Variants in PNPLA7 observed in about 807,000 individuals in gnomAD.
PNPLA7 encodes patatin like domain 7, lysophospholipase, also known as patatin-like phospholipase domain-containing protein 7.
Under a neutral mutation model 161.7 loss-of-function variants are expected in PNPLA7, and 153 were observed. The observed-to-expected ratio is 0.95, with a 90% confidence interval of 0.83 to 1.08. The LOEUF is 1.08. Ranked by LOEUF, PNPLA7 falls within the 50% of genes least tolerant of loss-of-function variation. PNPLA7 has a pLI of 0.00. For missense variants in PNPLA7, 1,739 were observed against 1,856.6 expected (o/e 0.94, Z 1.16); for synonymous variants, 809 against 782.1 (o/e 1.03, Z -0.57).
chr9:137,460,537 G>C, intron 34 of PNPLA7, 61 bp from the exon 35 acceptor site: 1 of 1,601,280 alleles, frequency 6.2e-7, no homozygotes, highest in African/African-American at 1.3e-5. Flanking sequence ...TGCAGCGCTG[G>C]TAACCCGGTG....
intron 11 of PNPLA7, among the ~76,000 whole-genome samples, chr9:137,518,986 C>A (rs557411425): frequency 9.9e-5 from 14 of 141,978 alleles, no homozygotes; most frequent in African/African-American, 2.4e-4. Flanking sequence ...ACTCCATCCC[C>A]CACTCACTCA....
At chr9:137,528,975 C>T (rs1168761457) in intron 8 of PNPLA7, among the ~76,000 whole-genome samples, 5 of 152,216 alleles carry the variant, frequency 3.3e-5, no homozygotes, top group Non-Finnish European at 7.3e-5. Flanking sequence ...GCTGGGATTA[C>T]AGGCGTGAGC....
At chr9:137,480,143 G>A (rs1460623304) in intron 23 of PNPLA7, among the ~76,000 whole-genome samples, 169 bp downstream of exon 23, 2 of 152,252 alleles carry the variant, frequency 1.3e-5, no homozygotes, top group South Asian at 2.1e-4. Context: ...AACCCCTGGA[G>A]GTCAATACAG....
At chr9:137,533,107 G>A (rs367937520) in intron 8 of PNPLA7, among the ~76,000 whole-genome samples, 14 of 150,840 alleles carry the variant, frequency 9.3e-5, no homozygotes, top group African/African-American at 4.9e-5. Context: ...CACTCCAGAC[G>A]GGAGCACCCC....
Position 137,460,625 on chromosome 9 carries a change from G to A in PNPLA7, c.3945+9C>T. The A allele has an allele frequency of 6.2e-7, 1 of 1,610,466 alleles. No homozygotes were observed. Among genetic ancestry groups the A allele is most frequent in the Non-Finnish European group, 8.5e-7 (1 of 1,178,394 alleles). ...TGGGCACCAGGTGGGACCATGCCCAGCTCCTCACCAAGTCTGAGCCCTGCT... is the reference window on the plus strand; with the variant it reads ...TGGGCACCAGGTGGGACCATGCCCAACTCCTCACCAAGTCTGAGCCCTGCT... On this transcript the variant is annotated intron_variant, in intron 34 of 34. Coordinates refer to ENST00000406427, the MANE Select transcript of PNPLA7 (RefSeq NM_001098537.3).
intron 25 of PNPLA7, among the ~76,000 whole-genome samples, chr9:137,469,614 A>T (rs1004561833): frequency 5.3e-5 from 8 of 152,254 alleles, no homozygotes; most frequent in African/African-American, 1.9e-4. Flanking sequence ...CTGTTTCTTT[A>T]TAGACAATGT....
At chr9:137,474,056 T>G (rs570967854) in intron 25 of PNPLA7, among the ~76,000 whole-genome samples, 2 of 152,174 alleles carry the variant, frequency 1.3e-5, no homozygotes, top group South Asian at 4.1e-4. Flanking sequence ...CTGGCCCACA[T>G]GGTGAAAGCC....
Position 137,464,732 on chromosome 9 carries a change from C to T in PNPLA7, c.3040-276G>A, listed in dbSNP as rs943155429. The T allele has an allele frequency of 1.3e-5, 6 of 459,440 alleles. No homozygotes were observed. In the Admixed American group the frequency reaches 1.5e-4, roughly 11 times the overall value. 28.5% of individuals were successfully genotyped at this position (459,440 alleles called of 1,614,324 possible). On this transcript the variant is annotated intron_variant, in intron 26 of 34. Transcript: ENST00000406427. ...GGCCCTACCCTCGCAGGCTCTGCAG[C>T]GCCCCCATGCCTGGGGCCTCCTCGG...
At chr9:137,479,677 G>A (rs1832111573) in intron 23 of PNPLA7, 8 of 985,426 alleles carry the variant, frequency 8.1e-6, no homozygotes, top group Non-Finnish European at 8.4e-6. Context: ...GAGGGAGACG[G>A]GAAATGCAAA....
intron 20 of PNPLA7, among the ~76,000 whole-genome samples, chr9:137,487,221 G>C (rs550150338): frequency 6.6e-5 from 10 of 152,354 alleles, no homozygotes; most frequent in Admixed American, 5.2e-4. Flanking sequence ...AGGTTGCAAA[G>C]CCCAGCTGCA....
rs961415148 is a variant in PNPLA7 at position 137,523,175 on chromosome 9, C to G, written c.748-318G>C. On this transcript the variant is annotated intron_variant, in intron 8 of 34. Coordinates refer to ENST00000406427, the MANE Select transcript of PNPLA7 (RefSeq NM_001098537.3). The surrounding 1 kb of genome is among the most constrained non-coding windows in gnomAD (Gnocchi z 4.4). ...CACTCCCACCTGCCACTGAGGCTCA[C>G]GGACCAGCTCACCAGCGTCCTACTC... Among the ~76,000 whole-genome samples, 1 of 152,200 alleles carries G rather than the reference C, an allele frequency of 6.6e-6. No individual in the cohort carries two copies. Among genetic ancestry groups the G allele is most frequent in the African/African-American group, 2.4e-5 (1 of 41,444 alleles).
intron 25 of PNPLA7, among the ~76,000 whole-genome samples, chr9:137,471,495 A>G (rs1831703388): frequency 6.6e-6 from 1 of 150,928 alleles, no homozygotes; most frequent in Admixed American, 6.7e-5. Context: ...GCTCCTCAGG[A>G]GGCTGAGACA....
rs959265259 is a variant in PNPLA7 at position 137,500,471 on chromosome 9, G to A, written c.1757+220C>T. Among the ~76,000 whole-genome samples the A allele has an allele frequency of 3.3e-5, 5 of 152,210 alleles. No individual in the cohort carries two copies. Among genetic ancestry groups the A allele is most frequent in the South Asian group, 2.1e-4 (1 of 4,834 alleles). Reference sequence around the variant, plus strand: ...ACAGCTGGGACCAGACCACAGAGACGGCCGTGCGAAGCTGATCGCTGCGGG... The same window carrying A: ...ACAGCTGGGACCAGACCACAGAGACAGCCGTGCGAAGCTGATCGCTGCGGG... On this transcript the variant is annotated intron_variant, in intron 16 of 34. Coordinates refer to ENST00000406427, the MANE Select transcript of PNPLA7 (RefSeq NM_001098537.3). This position sits in a 1 kb window ranked among gnomAD's most constrained non-coding sequence, Gnocchi z 5.5.
chr9:137,461,286 G>T, intron 33 of PNPLA7: 1 of 486,846 alleles, frequency 2.1e-6, no homozygotes, highest in South Asian at 2.8e-5. Context: ...TCAGGCCTGA[G>T]GTGTGGCTGG....
intron 8 of PNPLA7, among the ~76,000 whole-genome samples, chr9:137,532,404 T>G (rs1476784942): frequency 1.3e-5 from 2 of 152,174 alleles, no homozygotes; most frequent in African/African-American, 2.4e-5. Context: ...GCCACTGCAC[T>G]CCAGCCTGGG....
intron 8 of PNPLA7, among the ~76,000 whole-genome samples, chr9:137,525,767 T>C (rs2488590): frequency 0.99 from 137,635 of 139,160 alleles, 68,077 homozygotes; most frequent in East Asian, 1. Flanking sequence ...GTCAGGCCTT[T>C]CACAAGAGGT....
rs774623344 is a variant in PNPLA7, at chr9:137,500,827, C to T, written c.1621G>A (p.Asp541Asn). ...VYQRKIGSQE[D>N]TCLFLTRPGE... The stretch of plus-strand genomic sequence containing the variant: ...GGGCGCGTGAGGAACAAGCAGGTGT[C>T]CTCCTGGCTGCCGATCTTCCGCTGG... The change falls in exon 16 of 35, where the codon GAC becomes AAC. Residue 541 changes from aspartate to asparagine, a missense_variant. Asp to Asn is a conservative substitution (Grantham distance 23, BLOSUM62 1). Transcript: ENST00000406427. This position sits in a 1 kb window ranked among gnomAD's most constrained non-coding sequence, Gnocchi z 5.5. 87 of 1,604,040 alleles carry T rather than the reference C, an allele frequency of 5.4e-5. No homozygotes were observed. Among genetic ancestry groups the T allele is most frequent in the Non-Finnish European group, 7.1e-5 (83 of 1,176,916 alleles).
intron 11 of PNPLA7, among the ~76,000 whole-genome samples, chr9:137,518,885 T>TC (rs1209778232): frequency 1.2e-5 from 1 of 86,808 alleles, no homozygotes; most frequent in African/African-American, 5.0e-5. Context: ...CACTCCATCC[T>TC]CACTCACTCA....
intron 11 of PNPLA7, among the ~76,000 whole-genome samples, chr9:137,519,450 G>A (rs1423795389): frequency 6.6e-6 from 1 of 152,258 alleles, no homozygotes; most frequent in Non-Finnish European, 1.5e-5. Flanking sequence ...GAGGGTGAAG[G>A]GTCCTGGGCC....
Sources: allele counts gnomAD v4.1 joint callset (sites outside exome capture counted in the v4.1 genomes callset), GRCh38; gene constraint gnomAD v4.1.1; non-coding constraint Gnocchi (gnomAD v3.1); transcripts MANE v1.5; gene names NCBI Gene and HGNC (gene_info 2026-07-23, HGNC 2026-07-21).